The following ATP8B4 variants were observed in gnomAD, a reference collection of about 807,000 sequenced individuals.
ATP8B4 encodes probable phospholipid-transporting ATPase IM.
Under a neutral mutation model 145.6 loss-of-function variants are expected in ATP8B4, and 133 were observed. That is an observed-to-expected ratio of 0.91 (90% CI 0.79 to 1.05). The LOEUF (loss-of-function observed/expected upper bound fraction) is 1.05, where lower values mean the gene tolerates loss of function less well. ATP8B4 is among the 50% of genes least tolerant of loss of function. The probability of loss-of-function intolerance (pLI) is 0.00; values close to 1 mark genes in which losing one functional copy is unlikely to be tolerated. For missense variants in ATP8B4, 1,458 were observed against 1,425.2 expected, an observed-to-expected ratio of 1.02 and a Z score of -0.37; for synonymous variants, 507 against 492.9, an observed-to-expected ratio of 1.03 and a Z score of -0.38.
chr15:50,127,943 G>A (rs1272851698), intron 1 of ATP8B4, among the ~76,000 whole-genome samples: 1 of 152,190 alleles, frequency 6.6e-6, no homozygotes, highest in Non-Finnish European at 1.5e-5. Flanking sequence ...TTTAGGTAGA[G>A]TGTGCCCCAG....
intron 23 of ATP8B4, among the ~76,000 whole-genome samples, chr15:49,884,666 T>TTTAATGTAA (rs2035953537): frequency 6.6e-6 from 1 of 151,450 alleles, no homozygotes; most frequent in African/African-American, 2.4e-5. Context: ...CCTCACCTTG[T>TTTAATGTAA]TTAATGTAAT....
intron 3 of ATP8B4, among the ~76,000 whole-genome samples, chr15:50,057,951 G>A (rs570569162): frequency 6.6e-6 from 1 of 152,166 alleles, no homozygotes; most frequent in South Asian, 2.1e-4. Flanking sequence ...GCAGTAAAAT[G>A]TTTACTTTCT....
intron 3 of ATP8B4, among the ~76,000 whole-genome samples, chr15:50,068,599 C>CTG (rs2053535959): frequency 2.0e-5 from 3 of 152,190 alleles, no homozygotes; most frequent in African/African-American, 7.2e-5. Flanking sequence ...CCTTTAAAAA[C>CTG]TGCCTACCTA....
chr15:49,897,038 A>G (rs888153389), intron 23 of ATP8B4: 92 of 391,680 alleles, frequency 2.3e-4, no homozygotes, highest in Admixed American at 2.1e-4. Context: ...AAACTAAAGT[A>G]TGCATGGAAG....
intron 6 of ATP8B4, among the ~76,000 whole-genome samples, chr15:50,034,465 G>A (rs2050688073): frequency 6.6e-6 from 1 of 152,044 alleles, no homozygotes; most frequent in Non-Finnish European, 1.5e-5. Flanking sequence ...CCTGATCTCA[G>A]GTTATCCACC....
intron 2 of ATP8B4, among the ~76,000 whole-genome samples, chr15:50,097,969 G>A (rs2056093620): frequency 6.6e-6 from 1 of 152,272 alleles, no homozygotes; most frequent in South Asian, 2.1e-4. Context: ...CGAAAATTGA[G>A]GCTCAGAGGA....
intron 21 of ATP8B4, among the ~76,000 whole-genome samples, chr15:49,898,759 G>A (rs931829228): frequency 1.3e-5 from 2 of 152,188 alleles, no homozygotes; most frequent in African/African-American, 4.8e-5. Flanking sequence ...TCTGGGGATT[G>A]TCCCTTGAAG....
At chr15:50,081,241 G>T (rs1318828564) in intron 2 of ATP8B4, among the ~76,000 whole-genome samples, 1 of 152,076 alleles carries the variant, frequency 6.6e-6, no homozygotes, top group Non-Finnish European at 1.5e-5. Context: ...CTTACTTATG[G>T]TTTCTCAGTA....
intron 14 of ATP8B4, among the ~76,000 whole-genome samples, chr15:49,946,060 G>A (rs1343017817): frequency 6.6e-6 from 1 of 152,100 alleles, no homozygotes; most frequent in Non-Finnish European, 1.5e-5. Context: ...AAATAAAAAT[G>A]TCCCTATGTG....
chr15:49,962,516 A>G (rs2044171598), intron 13 of ATP8B4, among the ~76,000 whole-genome samples: 1 of 152,240 alleles, frequency 6.6e-6, no homozygotes, highest in African/African-American at 2.4e-5. Flanking sequence ...GTCAGAAAAC[A>G]TAGCCACCCA....
intron 10 of ATP8B4, among the ~76,000 whole-genome samples, chr15:49,981,502 T>C (rs1227517350): frequency 6.6e-6 from 1 of 152,218 alleles, no homozygotes; most frequent in African/African-American, 2.4e-5. Flanking sequence ...GTGATCTTCT[T>C]AGACTAGGAT....
chr15:49,986,673 T>C (rs1215859144), intron 10 of ATP8B4, among the ~76,000 whole-genome samples: 1 of 152,236 alleles, frequency 6.6e-6, no homozygotes, highest in African/African-American at 2.4e-5. Context: ...ACATCTTAAT[T>C]TGGTGTCACA....
At chr15:49,928,756 AT>A (rs1217562698) in intron 16 of ATP8B4, among the ~76,000 whole-genome samples, 1 of 152,120 alleles carries the variant, frequency 6.6e-6, no homozygotes, top group Non-Finnish European at 1.5e-5. Flanking sequence ...TTATGAGGCC[AT>A]TTTAATAAAT....
intron 1 of ATP8B4, among the ~76,000 whole-genome samples, chr15:50,160,235 T>A (rs1399873101): frequency 6.6e-6 from 1 of 151,892 alleles, no homozygotes; most frequent in Non-Finnish European, 1.5e-5. Flanking sequence ...GCAGTATTGG[T>A]TGAAATGTCT....
intron 1 of ATP8B4, among the ~76,000 whole-genome samples, chr15:50,110,403 A>G (rs1173776565): frequency 6.6e-6 from 1 of 152,184 alleles, no homozygotes; most frequent in Non-Finnish European, 1.5e-5. Flanking sequence ...AAATTTATCA[A>G]CTCACCGAAA....
intron 1 of ATP8B4, among the ~76,000 whole-genome samples, chr15:50,163,728 C>A (rs570502731): frequency 1.3e-5 from 2 of 152,206 alleles, no homozygotes; most frequent in African/African-American, 2.4e-5. Flanking sequence ...GCTACAAGAT[C>A]CCCCTAGCCC....
At chr15:49,871,657 A>G (rs8041979) in intron 25 of ATP8B4, among the ~76,000 whole-genome samples, 47,040 of 151,998 alleles carry the variant, frequency 0.31, 7,998 homozygotes, top group African/African-American at 0.44. Context: ...CCTTTGCTCA[A>G]TTTCAACCTC....
intron 16 of ATP8B4, among the ~76,000 whole-genome samples, chr15:49,924,367 C>T (rs1363854954): frequency 6.6e-6 from 1 of 152,156 alleles, no homozygotes. Context: ...GAACTGCCTA[C>T]AACTTAAGAC....
intron 9 of ATP8B4, among the ~76,000 whole-genome samples, chr15:49,989,833 T>C (rs1000617255): frequency 2.0e-5 from 3 of 152,124 alleles, no homozygotes; most frequent in Non-Finnish European, 4.4e-5. Flanking sequence ...CTTCCCAATT[T>C]CTTTTGTACC....
Sources: allele counts gnomAD v4.1 joint callset (sites outside exome capture counted in the v4.1 genomes callset), GRCh38; gene constraint gnomAD v4.1.1; transcripts MANE v1.5; gene names NCBI Gene and HGNC (gene_info 2026-07-23, HGNC 2026-07-21).